Variants in TMTC1 observed in about 807,000 individuals in gnomAD.
TMTC1 encodes the protein transmembrane O-mannosyltransferase targeting cadherins 1, also known as protein O-mannosyl-transferase TMTC1.
TMTC1 carries 73 observed loss-of-function variants against 104.8 expected under a neutral mutation model. The ratio of observed to expected loss-of-function variants is 0.70; its 90% CI spans 0.58 to 0.85. The LOEUF is 0.85. Ranked by LOEUF, TMTC1 falls within the 40% of genes least tolerant of loss-of-function variation. The pLI, the probability that TMTC1 is intolerant of heterozygous loss-of-function variation, is 0.00. For synonymous variants in TMTC1, 434 were observed against 428.7 expected (o/e 1.01, Z -0.15); for missense variants, 1,035 against 1,096.1 (o/e 0.94, Z 0.79).
chr12:29,747,300 C>T (rs1942978955), intron 5 of TMTC1, among the ~76,000 whole-genome samples: 1 of 152,064 alleles, frequency 6.6e-6, no homozygotes, highest in Admixed American at 6.6e-5. Flanking sequence ...TTTCTCATTT[C>T]CCATGGAATA....
upstream of TMTC1, chr12:29,784,460 ACCCG>A (rs1288033645): frequency 2.0e-5 from 3 of 151,738 alleles, no homozygotes; most frequent in South Asian, 2.1e-4. Flanking sequence ...GCTTTCTCTC[ACCCG>A]CCCGGCGCGG....
At chr12:29,651,909 A>T (rs1422907784) in intron 5 of TMTC1, among the ~76,000 whole-genome samples, 1 of 152,128 alleles carries the variant, frequency 6.6e-6, no homozygotes, top group East Asian at 1.9e-4. Flanking sequence ...GCCCAAAAAA[A>T]AAAAAAATTA....
intron 8 of TMTC1, among the ~76,000 whole-genome samples, chr12:29,576,963 T>A (rs1400661593): frequency 3.9e-5 from 6 of 152,108 alleles, no homozygotes; most frequent in Non-Finnish European, 8.8e-5. Flanking sequence ...GTTGCTTCCT[T>A]TTTCTTTTTC....
intron 7 of TMTC1, among the ~76,000 whole-genome samples, chr12:29,592,740 T>C (rs1429651285): frequency 6.6e-6 from 1 of 152,212 alleles, no homozygotes; most frequent in Non-Finnish European, 1.5e-5. Context: ...TTATTTATAC[T>C]GTGAGGGGGA....
intron 5 of TMTC1, among the ~76,000 whole-genome samples, chr12:29,749,006 G>A (rs987880591): frequency 8.5e-5 from 13 of 152,052 alleles, no homozygotes; most frequent in Admixed American, 2.0e-4. Context: ...GCATCATGGC[G>A]GACTATGACA....
chr12:29,528,831 A>G (rs1187158890), intron 11 of TMTC1, among the ~76,000 whole-genome samples: 1 of 152,096 alleles, frequency 6.6e-6, no homozygotes, highest in Non-Finnish European at 1.5e-5. Context: ...GAAGCTGAGA[A>G]ACTTTAAAAA....
At chr12:29,769,091 C>T (rs1265300072) in intron 1 of TMTC1, among the ~76,000 whole-genome samples, 2 of 152,154 alleles carry the variant, frequency 1.3e-5, no homozygotes, top group African/African-American at 2.4e-5. Flanking sequence ...ATAGAAACAG[C>T]TCTTCTTTGC....
chr12:29,501,855 T>C lies in TMTC1; in HGVS notation c.*4991A>G, dbSNP rs1257481107. 1.3e-5 allele frequency: 2 copies of C among 152,192 alleles called. No homozygotes were observed. Among genetic ancestry groups the C allele is most frequent in the African/African-American group, 2.4e-5 (1 of 41,452 alleles). The allele number at this position is 152,192 out of a possible 1,614,324, so 9.4% of individuals were successfully genotyped here. On this transcript the variant is annotated 3_prime_UTR_variant, in exon 18 of 18. Transcript: ENST00000539277. The stretch of plus-strand genomic sequence containing the variant: ...CCAATTGATTGTTATAAAGATCTTA[T>C]CAATTCTGTTGTGCCACTTTGATTG...
At chr12:29,685,977 G>A (rs552555921) in intron 5 of TMTC1, among the ~76,000 whole-genome samples, 48 of 147,478 alleles carry the variant, frequency 3.3e-4, no homozygotes, top group Non-Finnish European at 6.4e-4. Context: ...CACTTTTCTT[G>A]ATGTTGAAAG....
Position 29,557,002 on chromosome 12 carries a change from T to C in TMTC1, c.1533-2A>G, listed in dbSNP as rs1217310976. The C allele has an allele frequency of 2.5e-6, 4 of 1,613,360 alleles. No homozygotes were observed. Among genetic ancestry groups the C allele is most frequent in the African/African-American group, 1.3e-5 (1 of 74,866 alleles). On this transcript the variant is annotated splice_acceptor_variant, in intron 9 of 17. Transcript: ENST00000539277. LOFTEE classifies it high-confidence loss of function. Reference sequence around the variant, plus strand: ...GCACTTGCATGGCGTGGATACAACCTGAAAAGTTAAAAATATTAAGCTGTG... The same window carrying C: ...GCACTTGCATGGCGTGGATACAACCCGAAAAGTTAAAAATATTAAGCTGTG...
chr12:29,753,367 C>T (rs971268021), intron 4 of TMTC1, among the ~76,000 whole-genome samples: 12 of 152,150 alleles, frequency 7.9e-5, no homozygotes, highest in Admixed American at 1.3e-4. Context: ...AGACGTCCTG[C>T]GAGGTCTCCT....
At chr12:29,564,525 G>T (rs1187507410) in intron 9 of TMTC1, among the ~76,000 whole-genome samples, 1 of 152,142 alleles carries the variant, frequency 6.6e-6, no homozygotes, top group South Asian at 2.1e-4. Flanking sequence ...GGTCAACAAA[G>T]TCAAATGCTG....
At chr12:29,649,715 T>G (rs888958907) in intron 5 of TMTC1, among the ~76,000 whole-genome samples, 1 of 152,216 alleles carries the variant, frequency 6.6e-6, no homozygotes, top group African/African-American at 2.4e-5. Context: ...TGCAGATGGT[T>G]TTGAAGACAG....
At chr12:29,674,240 A>C (rs890136257) in intron 5 of TMTC1, among the ~76,000 whole-genome samples, 5 of 152,156 alleles carry the variant, frequency 3.3e-5, no homozygotes, top group Non-Finnish European at 7.4e-5. Context: ...TAGCCTCCCT[A>C]GGTCAAGATA....
intron 6 of TMTC1, among the ~76,000 whole-genome samples, chr12:29,629,249 A>T (rs1346737343): frequency 6.6e-6 from 1 of 151,290 alleles, no homozygotes; most frequent in East Asian, 2.0e-4. Flanking sequence ...TGAACCCGGG[A>T]GGTGGAGTTT....
chr12:29,697,184 C>T (rs554293918), intron 5 of TMTC1, among the ~76,000 whole-genome samples: 3 of 152,286 alleles, frequency 2.0e-5, no homozygotes, highest in Admixed American at 2.0e-4. Context: ...TCATGTAGAC[C>T]TAGTCTGAAT....
upstream of TMTC1, among the ~76,000 whole-genome samples, chr12:29,784,146 C>T (rs1032995390): frequency 2.0e-5 from 3 of 151,974 alleles, no homozygotes; most frequent in African/African-American, 4.8e-5. Flanking sequence ...CGGGGAAGGA[C>T]ACCCCAGGTT....
intron 7 of TMTC1, among the ~76,000 whole-genome samples, chr12:29,595,430 T>C (rs1200981337): frequency 1.3e-5 from 2 of 152,218 alleles, no homozygotes; most frequent in South Asian, 2.1e-4. Flanking sequence ...CTGCTTCTAT[T>C]AAACATTTGG....
At chr12:29,582,056 C>T (rs973066725) in intron 8 of TMTC1, among the ~76,000 whole-genome samples, 5 of 152,060 alleles carry the variant, frequency 3.3e-5, no homozygotes, top group African/African-American at 7.2e-5. Context: ...ATCATAATGA[C>T]GATCATGACA....
Sources: gnomAD v4.1 joint callset for allele counts (sites outside exome capture counted in the v4.1 genomes callset) on GRCh38, gnomAD v4.1.1 for gene constraint, MANE v1.5 for transcripts, NCBI Gene and HGNC (gene_info 2026-07-23, HGNC 2026-07-21) for gene names.